The following GIT2 variants were observed in gnomAD, a reference collection of about 807,000 sequenced individuals.
The protein encoded by GIT2 is GIT ArfGAP 2.
Under a neutral mutation model 100.3 loss-of-function variants are expected in GIT2, and 32 were observed. The ratio of observed to expected loss-of-function variants is 0.32; its 90% confidence interval spans 0.24 to 0.43. GIT2 has a LOEUF of 0.43. Ranked by LOEUF, GIT2 falls within the 20% of genes least tolerant of loss-of-function variation. The probability of loss-of-function intolerance (pLI) is 1.00; values close to 1 mark genes in which losing one functional copy is unlikely to be tolerated. For missense variants in GIT2, 737 were observed against 975.1 expected (o/e 0.76, Z 3.25); for synonymous variants, 353 against 364.1 (o/e 0.97, Z 0.35).
At chr12:109,936,533 C>T (rs1314193510) in intron 18 of GIT2, among the ~76,000 whole-genome samples, 3 of 152,068 alleles carry the variant, frequency 2.0e-5, no homozygotes, top group Non-Finnish European at 2.9e-5. Context: ...TCACGGTGCT[C>T]GGGAAGAAAG....
rs1274714788 is a variant in GIT2 at position 109,932,727 on chromosome 12, A to G, written c.*251T>C. On this transcript the variant is annotated 3_prime_UTR_variant, in exon 20 of 20. Coordinates refer to ENST00000355312, the MANE Select transcript of GIT2 (RefSeq NM_057169.5). ...CTATACTTTTGGATGTATGTGATCA[A>G]CTCAACAGTTGTTGACAACACAACC... 2 of 444,746 alleles carry G rather than the reference A, an allele frequency of 4.5e-6. No individual in the cohort carries two copies. The highest frequency in any genetic ancestry group is 2.0e-5 in the African/African-American group (1 of 50,870). The allele number at this position is 444,746 out of a possible 1,614,324, so 27.5% of individuals were successfully genotyped here.
chr12:109,995,114 G>A (rs980583016), intron 1 of GIT2, among the ~76,000 whole-genome samples: 1 of 152,286 alleles, frequency 6.6e-6, no homozygotes, highest in Middle Eastern at 3.4e-3. Context: ...ATTGTGCCAA[G>A]AAAGCCATGT....
intron 3 of GIT2, 80 bp from the exon 4 acceptor site, chr12:109,989,148 G>T: frequency 1.1e-6 from 1 of 880,246 alleles, no homozygotes; most frequent in Non-Finnish European, 1.9e-6. Flanking sequence ...AAAAGAAGAG[G>T]AAGTGACCCA....
At chr12:109,966,316 T>C (rs1013192822) in intron 8 of GIT2, among the ~76,000 whole-genome samples, 1 of 149,086 alleles carries the variant, frequency 6.7e-6, no homozygotes, top group African/African-American at 2.4e-5. Flanking sequence ...GAGACCAGCC[T>C]GGCCAACATG....
chr12:109,991,604 T>C (rs769519420), intron 2 of GIT2, 23 bp downstream of exon 2: 2 of 1,591,324 alleles, frequency 1.3e-6, no homozygotes, highest in Admixed American at 1.7e-5. Context: ...TTACCAACTG[T>C]CAGGAGAATT....
intron 13 of GIT2, among the ~76,000 whole-genome samples, 164 bp from the exon 14 acceptor site, chr12:109,951,480 T>G (rs1877838694): frequency 6.6e-6 from 1 of 152,086 alleles, no homozygotes; most frequent in African/African-American, 2.4e-5. Flanking sequence ...AAAAGTAGGG[T>G]CACTATACTA....
intron 7 of GIT2, among the ~76,000 whole-genome samples, chr12:109,978,486 C>T (rs1033013326): frequency 4.6e-5 from 7 of 152,190 alleles, no homozygotes; most frequent in South Asian, 2.1e-4. Flanking sequence ...AAATGTCAGA[C>T]ATTTTAGTAT....
Position 109,933,820 on chromosome 12 carries a change from C to T in GIT2, c.2067+202G>A, listed in dbSNP as rs1011835934. 15 of 535,316 alleles carry T rather than the reference C, an allele frequency of 2.8e-5. No homozygotes were observed. The highest frequency in any genetic ancestry group is 1.7e-4 in the African/African-American group (9 of 52,008). The allele number at this position is 535,316 out of a possible 1,614,324, so 33.2% of individuals were successfully genotyped here. ...CTCTCCATGTTGGTCAGGCTGGCCT[C>T]GAACTCCCGACCTCAGGTGATCTGC... is the stretch of plus-strand genomic sequence containing the variant. On this transcript the variant is annotated intron_variant, in intron 19 of 19. Transcript: ENST00000355312. The surrounding 1 kb of genome is among the most constrained non-coding windows in gnomAD (Gnocchi z 4.5).
intron 7 of GIT2, among the ~76,000 whole-genome samples, chr12:109,979,653 G>A (rs972097825): frequency 6.6e-6 from 1 of 152,118 alleles, no homozygotes; most frequent in Non-Finnish European, 1.5e-5. Flanking sequence ...AGACAAACAG[G>A]ACACTCACCA....
chr12:109,983,819 A>C, intron 4 of GIT2, 125 bp from the exon 5 acceptor site: 1 of 646,214 alleles, frequency 1.5e-6, no homozygotes, highest in East Asian at 2.8e-5. Context: ...TTGTCTCGGT[A>C]AAGTGCATGG....
In GIT2 at chr12:109,932,915, G is replaced by T; in HGVS notation, c.*63C>A. 1.1e-6 allele frequency: 1 copy of T among 896,806 alleles called. No individual in the cohort carries two copies. The highest frequency in any genetic ancestry group is 1.9e-6 in the Non-Finnish European group (1 of 531,800). The allele number at this position is 896,806 out of a possible 1,614,324, so 55.6% of individuals were successfully genotyped here. On this transcript the variant is annotated 3_prime_UTR_variant, in exon 20 of 20. Coordinates refer to ENST00000355312, the MANE Select transcript of GIT2 (RefSeq NM_057169.5). ...TTTGTAGAAATCTGAAGAGTTCTGCGTCTGAATTTGAAATTGGACTTTATA... is the reference window on the plus strand; with the variant it reads ...TTTGTAGAAATCTGAAGAGTTCTGCTTCTGAATTTGAAATTGGACTTTATA...
At chr12:109,960,623 A>T (rs1196445977) in intron 11 of GIT2, among the ~76,000 whole-genome samples, 1 of 152,200 alleles carries the variant, frequency 6.6e-6, no homozygotes, top group Non-Finnish European at 1.5e-5. Context: ...CATAGTCTAG[A>T]TATTCCCTAT....
chr12:109,940,910 C>CAAAA (rs1395329797), intron 16 of GIT2, among the ~76,000 whole-genome samples: 8 of 145,706 alleles, frequency 5.5e-5, no homozygotes, highest in African/African-American at 2.0e-4. Flanking sequence ...CAAAACAAAA[C>CAAAA]CAAAAAGAAA....
chr12:109,933,239 C>A lies in GIT2; in HGVS notation c.2068-49G>T. 1 of 1,080,670 alleles carries A rather than the reference C, an allele frequency of 9.3e-7. No homozygotes were observed. Among genetic ancestry groups the A allele is most frequent in the South Asian group, 1.3e-5 (1 of 74,302 alleles). The allele number at this position is 1,080,670 out of a possible 1,614,324, so 66.9% of individuals were successfully genotyped here. On this transcript the variant is annotated intron_variant, in intron 19 of 19. Transcript: ENST00000355312. The surrounding 1 kb of genome is among the most constrained non-coding windows in gnomAD (Gnocchi z 4.5). ...TACCCTGAACTGCAGGGCAGACATC[C>A]AAAAGCAGGGGACAAACATTCTTCT...
Position 109,934,153 on chromosome 12 carries a change from G to A in GIT2, c.2004-68C>T. The A allele has an allele frequency of 1.2e-6, 1 of 863,672 alleles. No homozygotes were observed. 53.5% of individuals were successfully genotyped at this position (863,672 alleles called of 1,614,324 possible). The stretch of plus-strand genomic sequence containing the variant: ...ATTCGGAGGCAAAGAGGACTCAAGT[G>A]CTAGAACAGATTCTGTTTACATTCC... On this transcript the variant is annotated intron_variant, in intron 18 of 19. Coordinates refer to ENST00000355312, the MANE Select transcript of GIT2 (RefSeq NM_057169.5). This position sits in a 1 kb window ranked among gnomAD's most constrained non-coding sequence, Gnocchi z 4.5.
chr12:109,990,043 GA>G (rs1219853069), intron 2 of GIT2, among the ~76,000 whole-genome samples: 1 of 151,868 alleles, frequency 6.6e-6, no homozygotes, highest in African/African-American at 2.4e-5. Context: ...TATTCTGTAT[GA>G]AAGAAAAAAA....
At position 109,945,431 on chromosome 12, in the gene GIT2, TC is replaced by T. The variant is rs143168698; in HGVS notation, c.1642-83del. 859 of 733,862 alleles carry T rather than the reference TC, an allele frequency of 1.2e-3. 15 individuals carry two copies. In the East Asian group the frequency reaches 0.022, roughly 19 times the overall value. The allele number at this position is 733,862 out of a possible 1,614,324, so 45.5% of individuals were successfully genotyped here. The stretch of plus-strand genomic sequence containing the variant: ...CACCTTGCCAGCTTCAGTAAAAGAA[TC>T]CTGGAACACCACACATTATGTGACG... On this transcript the variant is annotated intron_variant, in intron 15 of 19. Transcript: ENST00000355312.
intron 4 of GIT2, among the ~76,000 whole-genome samples, chr12:109,985,423 G>C (rs1039974817): frequency 1.3e-5 from 2 of 151,984 alleles, no homozygotes; most frequent in African/African-American, 2.4e-5. Context: ...TAAAAAAGGG[G>C]GGGGAAAAAA....
chr12:109,942,350 CAG>C (rs1305342989), intron 16 of GIT2, among the ~76,000 whole-genome samples: 1 of 152,088 alleles, frequency 6.6e-6, no homozygotes, highest in Non-Finnish European at 1.5e-5. Flanking sequence ...TATCTGGAGA[CAG>C]AGTCTTGCTC....
Sources: allele counts gnomAD v4.1 joint callset (sites outside exome capture counted in the v4.1 genomes callset), GRCh38; gene constraint gnomAD v4.1.1; non-coding constraint Gnocchi (gnomAD v3.1); transcripts MANE v1.5; gene names NCBI Gene and HGNC (gene_info 2026-07-23, HGNC 2026-07-21).